PFKFB3: variants seen among roughly 807,000 people sequenced by gnomAD.
PFKFB3 encodes the protein 6-phosphofructo-2-kinase/fructose-2,6-biphosphatase 3, also known as 6-phosphofructo-2-kinase/fructose-2,6-bisphosphatase 3.
In PFKFB3, 33 loss-of-function variants were observed where a neutral mutation model predicts 68.0. The observed-to-expected ratio is 0.49, with a 90% confidence interval of 0.37 to 0.65. PFKFB3 has a LOEUF of 0.65. Among genes scored for constraint, PFKFB3 ranks in the 30% least tolerant of loss-of-function variants. The pLI, the probability that PFKFB3 is intolerant of heterozygous loss-of-function variation, is 0.00. For missense variants in PFKFB3, 586 were observed against 712.2 expected (o/e 0.82, Z 2.02); for synonymous variants, 315 against 288.2 (o/e 1.09, Z -0.94).
At chr10:6,289,644 C>T in the PFKFB3 span, among the ~76,000 whole-genome samples, 1 of 152,062 alleles carries the variant, frequency 6.6e-6, no homozygotes, top group Non-Finnish European at 1.5e-5. Flanking sequence ...AGCGTGATGC[C>T]TCCAGCTTTG....
the PFKFB3 span, among the ~76,000 whole-genome samples, chr10:6,264,736 C>T: frequency 3.0e-3 from 454 of 152,206 alleles, 1 homozygote; most frequent in African/African-American, 0.01. Flanking sequence ...CTTTTTCATT[C>T]TCTCTATACG....
chr10:6,245,346 T>C (rs552165138), intron 14 of PFKFB3, among the ~76,000 whole-genome samples: 10 of 152,034 alleles, frequency 6.6e-5, no homozygotes, highest in East Asian at 1.9e-4. Context: ...CTGCCCGCCT[T>C]GGCCTCCCAA....
chr10:6,160,119 T>C (rs1456809294), intron 1 of PFKFB3, among the ~76,000 whole-genome samples: 2 of 152,198 alleles, frequency 1.3e-5, no homozygotes, highest in Non-Finnish European at 2.9e-5. Flanking sequence ...TTTAGGAATA[T>C]ATACATAATA....
At chr10:6,145,239 T>C (rs1019200915) in intron 1 of PFKFB3, among the ~76,000 whole-genome samples, 3 of 151,350 alleles carry the variant, frequency 2.0e-5, no homozygotes, top group Admixed American at 1.3e-4. Context: ...TCTCCTCCGG[T>C]CCTGCGTGTC....
chr10:6,243,537 T>C (rs917363587), intron 14 of PFKFB3, among the ~76,000 whole-genome samples: 1 of 152,214 alleles, frequency 6.6e-6, no homozygotes, highest in African/African-American at 2.4e-5. Flanking sequence ...GTCCCATCAG[T>C]GGAGGCAGCC....
intron 1 of PFKFB3, among the ~76,000 whole-genome samples, chr10:6,169,732 T>G (rs1367077645): frequency 6.6e-6 from 1 of 152,188 alleles, no homozygotes; most frequent in African/African-American, 2.4e-5. Context: ...CTCTAAATGT[T>G]TATGTCCCAG....
At chr10:6,222,586 G>C in intron 10 of PFKFB3, 1 of 266,474 alleles carries the variant, frequency 3.8e-6, no homozygotes. Context: ...TGTCAGTGGA[G>C]TCAGATGCCA....
At chr10:6,305,478 G>A in the PFKFB3 span, among the ~76,000 whole-genome samples, 1 of 152,300 alleles carries the variant, frequency 6.6e-6, no homozygotes, top group African/African-American at 2.4e-5. Flanking sequence ...ACCACACCCA[G>A]CCAATTTGTA....
At chr10:6,285,280 C>T in the PFKFB3 span, among the ~76,000 whole-genome samples, 2,685 of 150,210 alleles carry the variant, frequency 0.018, 86 homozygotes, top group African/African-American at 0.062. Flanking sequence ...GTTGCCCAGG[C>T]TAGAGTGCAA....
intron 1 of PFKFB3, among the ~76,000 whole-genome samples, chr10:6,166,065 C>T (rs1346625051): frequency 1.3e-5 from 2 of 151,464 alleles, no homozygotes; most frequent in African/African-American, 2.4e-5. Context: ...CTGCAACTTC[C>T]GCCTCCTGGG....
chr10:6,247,859 A>T (rs905496367), intron 14 of PFKFB3, among the ~76,000 whole-genome samples: 54 of 152,388 alleles, frequency 3.5e-4, no homozygotes, highest in African/African-American at 7.7e-4. Flanking sequence ...AGAGCATCCC[A>T]TGAAATCTTC....
rs201140582 is a variant in PFKFB3 at position 6,162,511 on chromosome 10, CATTT to C, written c.16+17502_16+17505del. On this transcript the variant is annotated intron_variant, in intron 1 of 14. Transcript: ENST00000379789. ...TTTACCATTTTTGTCATTCTTTCCA[CATTT>C]ATTAGTTGGCATTCTTTTGTAAAGA... is the stretch of plus-strand genomic sequence containing the variant. Among the ~76,000 whole-genome samples the C allele has an allele frequency of 2.2e-3, 328 of 152,314 alleles. 4 individuals are homozygous for C. In the East Asian group the frequency reaches 0.029, roughly 13 times the overall value.
At chr10:6,300,472 C>T in the PFKFB3 span, among the ~76,000 whole-genome samples, 1 of 152,160 alleles carries the variant, frequency 6.6e-6, no homozygotes, top group South Asian at 2.1e-4. Context: ...CCCGGCAGCT[C>T]CCTCTCTCTG....
chr10:6,303,362 A>G, the PFKFB3 span, among the ~76,000 whole-genome samples: 922 of 152,352 alleles, frequency 6.1e-3, 15 homozygotes, highest in African/African-American at 0.021. Flanking sequence ...ACATGGTGCA[A>G]TGTAGCAACA....
At chr10:6,305,005 A>ATTTTT in the PFKFB3 span, among the ~76,000 whole-genome samples, 100 of 14,532 alleles carry the variant, frequency 6.9e-3, 32 homozygotes, top group African/African-American at 0.015. Flanking sequence ...AATATTAGGA[A>ATTTTT]TTTTTTTTTT....
rs763367903 is a variant in PFKFB3 at position 6,216,174 on chromosome 10, G to C, written c.349G>C (p.Glu117Gln). 107 of 1,614,072 alleles carry C rather than the reference G, an allele frequency of 6.6e-5. No individual in the cohort carries two copies. Among genetic ancestry groups the C allele is most frequent in the South Asian group, 6.4e-4 (58 of 91,088 alleles). The stretch of plus-strand genomic sequence containing the variant: ...AGATGTCAAAAGCTACCTGGCGAAA[G>C]AAGGGGGACAAATTGCGGTAAGTCC... ...LRDVKSYLAK[E>Q]GGQIAVFDAT... is the part of the protein sequence containing the mutation. The change falls in exon 4 of 15, where the codon GAA (glutamate) becomes CAA (glutamine). Residue 117 changes from glutamate (E) to glutamine (Q), a missense_variant. Physicochemically the swap from Glu to Gln is conservative, Grantham distance 29. Coordinates refer to ENST00000379775, the MANE Select transcript of PFKFB3 (RefSeq NM_004566.4).
At chr10:6,275,369 C>T in the PFKFB3 span, among the ~76,000 whole-genome samples, 3 of 152,208 alleles carry the variant, frequency 2.0e-5, no homozygotes, top group Non-Finnish European at 4.4e-5. This position sits in a 1 kb window ranked among gnomAD's most constrained non-coding sequence, Gnocchi z 4.9. Context: ...GAGCCACCCT[C>T]GGGGCCTGCG....
rs78186894 is a variant in PFKFB3, at chr10:6,167,552, G to C, written c.16+22539G>C. ...CTCTTGAGAGAAGGTAGGGGCTGTG[G>C]AATGTGTATAAAGAGACAATATCTT... On this transcript the variant is annotated intron_variant, in intron 1 of 14. Transcript: ENST00000379789. Among the ~76,000 whole-genome samples the C allele has an allele frequency of 3.1e-3, 470 of 152,332 alleles. 5 individuals carry two copies. Among genetic ancestry groups the C allele is most frequent in the African/African-American group, 0.011 (454 of 41,574 alleles).
At chr10:6,324,049 G>A in the PFKFB3 span, among the ~76,000 whole-genome samples, 1 of 152,076 alleles carries the variant, frequency 6.6e-6, no homozygotes. Context: ...GCCAAAAGGT[G>A]GAAACAACCC....
Sources: gnomAD v4.1 joint callset for allele counts (sites outside exome capture counted in the v4.1 genomes callset) on GRCh38, gnomAD v4.1.1 for gene constraint, Gnocchi (gnomAD v3.1) non-coding constraint, MANE v1.5 for transcripts, NCBI Gene and HGNC (gene_info 2026-07-23, HGNC 2026-07-21) for gene names.